Variants in FGF7 observed in about 807,000 individuals in gnomAD.
FGF7 encodes the protein fibroblast growth factor 7.
FGF7 carries 6 observed loss-of-function variants against 20.5 expected under a neutral mutation model. The observed-to-expected ratio is 0.29, with a 90% CI of 0.16 to 0.58. The LOEUF (loss-of-function observed/expected upper bound fraction) is 0.58, where lower values mean the gene tolerates loss of function less well. FGF7 is among the 20% of genes least tolerant of loss of function. The probability of loss-of-function intolerance (pLI) is 0.90; values close to 1 mark genes in which losing one functional copy is unlikely to be tolerated. For missense variants in FGF7, 144 were observed against 228.8 expected (o/e 0.63, Z 2.39); for synonymous variants, 64 against 74.7 (o/e 0.86, Z 0.74).
intron 2 of FGF7, among the ~76,000 whole-genome samples, chr15:49,455,891 T>C (rs1030535425): frequency 2.0e-5 from 3 of 152,122 alleles, no homozygotes; most frequent in African/African-American, 7.2e-5. Context: ...ATGCTCCTCT[T>C]AATTTTTCAC....
chr15:49,481,585 T>TATTC (rs1480847310), intron 2 of FGF7, among the ~76,000 whole-genome samples: 40 of 152,304 alleles, frequency 2.6e-4, no homozygotes, highest in African/African-American at 9.1e-4. Flanking sequence ...TTCTCTAGCC[T>TATTC]ATTCAGGCCT....
intron 2 of FGF7, among the ~76,000 whole-genome samples, chr15:49,460,497 T>C (rs7178101): frequency 0.69 from 104,472 of 152,086 alleles, 36,247 homozygotes; most frequent in East Asian, 0.92. Context: ...ACCAGGATTC[T>C]TTTTGAAGGA....
In FGF7 at chr15:49,442,184, T is replaced by C. The variant is rs563835855; in HGVS notation, c.286+17601T>C. On this transcript the variant is annotated intron_variant, in intron 2 of 3. Coordinates refer to ENST00000267843, the MANE Select transcript of FGF7 (RefSeq NM_002009.4). ...TTTTCTTTTACCTTATTTTCTACTG[T>C]TTGCTAATGGAAAGATTCTATTCTA... 8.6e-5 allele frequency among the ~76,000 whole-genome samples: 13 copies of C among 151,806 alleles called. No individual in the cohort carries two copies. In the South Asian group the frequency reaches 2.7e-3, roughly 32 times the overall value.
At chr15:49,447,507 T>C (rs1485103104) in intron 2 of FGF7, among the ~76,000 whole-genome samples, 2 of 151,802 alleles carry the variant, frequency 1.3e-5, no homozygotes, top group South Asian at 2.1e-4. Flanking sequence ...ATTCTCAATC[T>C]TAATGTGATT....
rs547919507 is a variant in FGF7 at position 49,484,558 on chromosome 15, C to T, written c.*54C>T. ...CAGCAGGGAGATTTCTTTAAGTGGA[C>T]TGTTTTCTTTCTTCTCAAAATTTTC... On this transcript the variant is annotated 3_prime_UTR_variant, in exon 4 of 4. Transcript: ENST00000267843. The T allele has an allele frequency of 1.4e-5, 13 of 913,040 alleles. No homozygotes were observed. In the African/African-American group the frequency reaches 1.9e-4, roughly 13 times the overall value. 56.6% of individuals were successfully genotyped at this position (913,040 alleles called of 1,614,324 possible). A position where few individuals can be genotyped will look rare whatever the true frequency, so the allele number is the denominator to read the frequency against.
At chr15:49,450,923 G>A (rs569080865) in intron 2 of FGF7, among the ~76,000 whole-genome samples, 1 of 152,218 alleles carries the variant, frequency 6.6e-6, no homozygotes, top group East Asian at 1.9e-4. Context: ...GATATAGTTA[G>A]TATAGCTACA....
chr15:49,453,225 C>A (rs1055367467), intron 2 of FGF7, among the ~76,000 whole-genome samples: 1 of 151,830 alleles, frequency 6.6e-6, no homozygotes, highest in African/African-American at 2.4e-5. Context: ...TCTAATACGT[C>A]ATTTCAACAC....
chr15:49,449,174 ACTAAGT>A (rs2052498241), intron 2 of FGF7, among the ~76,000 whole-genome samples: 1 of 151,938 alleles, frequency 6.6e-6, no homozygotes, highest in African/African-American at 2.4e-5. Flanking sequence ...AGACTGCATT[ACTAAGT>A]CTAAGTTTTT....
At chr15:49,426,910 T>C (rs1350226180) in intron 2 of FGF7, among the ~76,000 whole-genome samples, 3 of 151,998 alleles carry the variant, frequency 2.0e-5, no homozygotes, top group African/African-American at 7.2e-5. Context: ...TCAGAATCCT[T>C]TAAGTAAACC....
intron 2 of FGF7, among the ~76,000 whole-genome samples, chr15:49,428,968 C>A (rs2050360531): frequency 6.6e-6 from 1 of 151,966 alleles, no homozygotes; most frequent in South Asian, 2.1e-4. Flanking sequence ...AAACCTTCAG[C>A]GACTCATTTG....
intron 2 of FGF7, among the ~76,000 whole-genome samples, chr15:49,459,983 G>C (rs2053648374): frequency 2.0e-5 from 3 of 152,022 alleles, no homozygotes; most frequent in South Asian, 4.1e-4. Flanking sequence ...CCCACACACT[G>C]TCTGTAGACG....
At chr15:49,439,209 G>A (rs2051391837) in intron 2 of FGF7, among the ~76,000 whole-genome samples, 2 of 151,350 alleles carry the variant, frequency 1.3e-5, no homozygotes, top group South Asian at 2.1e-4. Flanking sequence ...TGGGCCTCTC[G>A]ACAGGCTTCC....
In FGF7 at chr15:49,487,777, A is replaced by T. The variant is rs546204510; in HGVS notation, c.*3273A>T. The T allele has an allele frequency of 1.3e-5, 2 of 151,974 alleles. No homozygotes were observed. Among genetic ancestry groups the T allele is most frequent in the Non-Finnish European group, 2.9e-5 (2 of 67,914 alleles). 9.4% of individuals were successfully genotyped at this position (151,974 alleles called of 1,614,324 possible). A position where few individuals can be genotyped will look rare whatever the true frequency, so the allele number is the denominator to read the frequency against. ...CTCTTAAGACTCATGTGATTTTTGCATCTTACTCCATAATATATTTGTGGT... is the reference window on the plus strand; with the variant it reads ...CTCTTAAGACTCATGTGATTTTTGCTTCTTACTCCATAATATATTTGTGGT... On this transcript the variant is annotated 3_prime_UTR_variant, in exon 4 of 4. Coordinates refer to ENST00000267843, the MANE Select transcript of FGF7 (RefSeq NM_002009.4).
chr15:49,453,258 C>T (rs1433483630), intron 2 of FGF7, among the ~76,000 whole-genome samples: 2 of 151,884 alleles, frequency 1.3e-5, no homozygotes, highest in African/African-American at 2.4e-5. Flanking sequence ...AAAATATATA[C>T]ATATTTTCAT....
chr15:49,475,594 ATTAT>A (rs1188586648), intron 2 of FGF7, among the ~76,000 whole-genome samples: 22 of 145,176 alleles, frequency 1.5e-4, no homozygotes, highest in Non-Finnish European at 1.5e-5. Flanking sequence ...TGCTAACTTT[ATTAT>A]TTATTAAATT....
At chr15:49,423,774 T>C (rs905889993) in intron 1 of FGF7, among the ~76,000 whole-genome samples, 2 of 152,158 alleles carry the variant, frequency 1.3e-5, no homozygotes, top group Non-Finnish European at 2.9e-5. Flanking sequence ...GAGTGCAGTA[T>C]GGTTCTCACA....
chr15:49,425,322 AT>A (rs1034869390), intron 2 of FGF7: 1 of 151,930 alleles, frequency 6.6e-6, no homozygotes, highest in Non-Finnish European at 1.5e-5. Flanking sequence ...AAAGCCTTAC[AT>A]TTTTCCCAAG....
rs2049922699 is a variant in FGF7 at position 49,424,145 on chromosome 15, A to G, written c.-153A>G. On this transcript the variant is annotated 5_prime_UTR_variant, in exon 2 of 4. Transcript: ENST00000267843. ...TCCTGTGTTGTTATCAGGAACTAAAAGGATAAGGCTAACAATTTGGAAAGA... is the reference window on the plus strand; with the variant it reads ...TCCTGTGTTGTTATCAGGAACTAAAGGGATAAGGCTAACAATTTGGAAAGA... 3.3e-6 allele frequency: 2 copies of G among 611,286 alleles called. No individual in the cohort carries two copies. Among genetic ancestry groups the G allele is most frequent in the Non-Finnish European group, 5.6e-6 (2 of 354,986 alleles). The allele number at this position is 611,286 out of a possible 1,614,324, so 37.9% of individuals were successfully genotyped here.
At chr15:49,428,331 T>C (rs778653484) in intron 2 of FGF7, among the ~76,000 whole-genome samples, 2 of 151,942 alleles carry the variant, frequency 1.3e-5, no homozygotes, top group Non-Finnish European at 2.9e-5. Context: ...ACTAAAAGCA[T>C]AAAATGTCCC....
Sources: gnomAD v4.1 joint callset for allele counts (sites outside exome capture counted in the v4.1 genomes callset) on GRCh38, gnomAD v4.1.1 for gene constraint, MANE v1.5 for transcripts, NCBI Gene and HGNC (gene_info 2026-07-23, HGNC 2026-07-21) for gene names.